GRXCR1: variants seen among roughly 807,000 people sequenced by gnomAD.
GRXCR1 encodes glutaredoxin domain-containing cysteine-rich protein 1.
In GRXCR1, 27 loss-of-function variants were observed where a neutral mutation model predicts 27.3. The observed-to-expected ratio is 0.99, with a 90% confidence interval of 0.73 to 1.37. GRXCR1 has a LOEUF of 1.37. Ranked by LOEUF, GRXCR1 falls within the 40% of genes most tolerant of loss-of-function variation. The probability of loss-of-function intolerance (pLI) is 0.00; values close to 1 mark genes in which losing one functional copy is unlikely to be tolerated. For synonymous variants in GRXCR1, 122 were observed against 131.1 expected, an observed-to-expected ratio of 0.93 and a Z score of 0.47; for missense variants, 379 against 354.4, an observed-to-expected ratio of 1.07 and a Z score of -0.56.
At chr4:42,952,843 T>C (rs1239191396) in intron 1 of GRXCR1, among the ~76,000 whole-genome samples, 1 of 152,092 alleles carries the variant, frequency 6.6e-6, no homozygotes, top group Non-Finnish European at 1.5e-5. Context: ...ATACTAATAA[T>C]TCATATCCCT....
intron 2 of GRXCR1, among the ~76,000 whole-genome samples, chr4:43,008,657 G>T (rs1712641794): frequency 6.6e-6 from 1 of 152,100 alleles, no homozygotes; most frequent in South Asian, 2.1e-4. Context: ...TATTCTCATA[G>T]TATCCCTAAG....
chr4:42,960,988 G>C (rs1241628190), intron 1 of GRXCR1, among the ~76,000 whole-genome samples: 1 of 151,676 alleles, frequency 6.6e-6, no homozygotes, highest in Non-Finnish European at 1.5e-5. Flanking sequence ...TTTTCCTAAT[G>C]CTCTCACTCT....
intron 2 of GRXCR1, among the ~76,000 whole-genome samples, chr4:42,974,041 C>G (rs1387592118): frequency 2.0e-5 from 3 of 152,084 alleles, no homozygotes; most frequent in African/African-American, 7.2e-5. Context: ...TTTCATATGG[C>G]CACTGCACAG....
chr4:42,993,322 C>G (rs1239280063), intron 2 of GRXCR1, among the ~76,000 whole-genome samples: 2 of 151,982 alleles, frequency 1.3e-5, no homozygotes, highest in African/African-American at 4.8e-5. Context: ...TTTCTTGATG[C>G]CTCTCTGCCC....
chr4:42,953,138 A>G lies in GRXCR1; in HGVS notation c.385-9754A>G, dbSNP rs563312842. 4.6e-5 allele frequency among the ~76,000 whole-genome samples: 7 copies of G among 152,306 alleles called. No individual in the cohort carries two copies. In the South Asian group the frequency reaches 1.2e-3, roughly 27 times the overall value. ...GATTGTAGCAAACTTACCAGGTTGC[A>G]TGGAAATTATACTTTCCCCCACCAA... On this transcript the variant is annotated intron_variant, in intron 1 of 3. Transcript: ENST00000399770.
chr4:42,969,277 G>A (rs1312696703), intron 2 of GRXCR1, among the ~76,000 whole-genome samples: 2 of 152,076 alleles, frequency 1.3e-5, no homozygotes, highest in Non-Finnish European at 2.9e-5. Flanking sequence ...TGGGGTCATG[G>A]GAGTCTTTGA....
At chr4:42,987,222 T>TTATATATTATATA (rs1553943890) in intron 2 of GRXCR1, among the ~76,000 whole-genome samples, 14,611 of 99,568 alleles carry the variant, frequency 0.15, 1,245 homozygotes, top group South Asian at 0.24. Context: ...TATATATATA[T>TTATATATTATATA]TATATATTAT....
intron 2 of GRXCR1, among the ~76,000 whole-genome samples, chr4:42,987,362 G>A (rs190321971): frequency 6.7e-6 from 1 of 149,540 alleles, no homozygotes; most frequent in East Asian, 2.0e-4. Context: ...AGCTTAGGGT[G>A]ACTTCAAACT....
At chr4:42,907,147 T>C (rs1746614965) in intron 1 of GRXCR1, among the ~76,000 whole-genome samples, 1 of 152,218 alleles carries the variant, frequency 6.6e-6, no homozygotes, top group African/African-American at 2.4e-5. Context: ...GGAGATGGTC[T>C]GGAATACAAA....
At chr4:42,988,479 C>T (rs1711852116) in intron 2 of GRXCR1, among the ~76,000 whole-genome samples, 1 of 152,110 alleles carries the variant, frequency 6.6e-6, no homozygotes, top group Non-Finnish European at 1.5e-5. Context: ...TTCAAGGTTT[C>T]CTTTTTCCTA....
intron 2 of GRXCR1, among the ~76,000 whole-genome samples, chr4:42,998,673 G>C (rs1712254002): frequency 6.6e-6 from 1 of 152,188 alleles, no homozygotes; most frequent in Non-Finnish European, 1.5e-5. Flanking sequence ...TTTCCTGACA[G>C]GACATCATCT....
At chr4:42,979,453 T>A (rs940161556) in intron 2 of GRXCR1, among the ~76,000 whole-genome samples, 1 of 152,096 alleles carries the variant, frequency 6.6e-6, no homozygotes, top group African/African-American at 2.4e-5. Context: ...TATTGTTTTC[T>A]TTCATTCTGT....
intron 2 of GRXCR1, among the ~76,000 whole-genome samples, chr4:43,015,878 C>A (rs1712915988): frequency 6.6e-6 from 1 of 151,674 alleles, no homozygotes. Context: ...TATTTTTAGT[C>A]CTTCTGGGCT....
chr4:43,020,421 T>C lies in GRXCR1; in HGVS notation c.693+2T>C. On this transcript the variant is annotated splice_donor_variant, in intron 3 of 3. Coordinates refer to ENST00000399770, the MANE Select transcript of GRXCR1 (RefSeq NM_001080476.3). LOFTEE classifies it high-confidence loss of function. The stretch of plus-strand genomic sequence containing the variant: ...CAAGACATCCTAACCAAAATTGAGG[T>C]AAATGTGCTTTCAGCAACTTAGTTT... The C allele has an allele frequency of 3.1e-6, 5 of 1,594,800 alleles. No homozygotes were observed. Among genetic ancestry groups the C allele is most frequent in the Non-Finnish European group, 4.3e-6 (5 of 1,162,576 alleles).
At chr4:42,987,238 TATAATATATAA>T (rs1711782229) in intron 2 of GRXCR1, among the ~76,000 whole-genome samples, 1 of 63,606 alleles carries the variant, frequency 1.6e-5, no homozygotes, top group Non-Finnish European at 3.4e-5. Context: ...ATTATATATA[TATAATATATAA>T]TATATATATA....
At chr4:42,992,261 T>C (rs1019483269) in intron 2 of GRXCR1, among the ~76,000 whole-genome samples, 1 of 152,150 alleles carries the variant, frequency 6.6e-6, no homozygotes, top group African/African-American at 2.4e-5. Context: ...AAGCAGCAAA[T>C]GTTTTTCTTC....
At chr4:43,011,202 G>C (rs186429544) in intron 2 of GRXCR1, among the ~76,000 whole-genome samples, 36 of 152,236 alleles carry the variant, frequency 2.4e-4, no homozygotes, top group Admixed American at 2.0e-3. Context: ...ATTTATTGTC[G>C]ATCGTGCTGG....
At chr4:42,955,234 A>C (rs1422652615) in intron 1 of GRXCR1, among the ~76,000 whole-genome samples, 3 of 152,166 alleles carry the variant, frequency 2.0e-5, no homozygotes, top group South Asian at 4.1e-4. Context: ...AGGAAAAAAT[A>C]TCTCTCCCTC....
At chr4:42,920,336 G>T (rs1380381298) in intron 1 of GRXCR1, among the ~76,000 whole-genome samples, 1 of 150,304 alleles carries the variant, frequency 6.7e-6, no homozygotes, top group African/African-American at 2.4e-5. Flanking sequence ...CAGCCAAAAA[G>T]CCTTTTATTT....
Sources: gnomAD v4.1 joint callset for allele counts (sites outside exome capture counted in the v4.1 genomes callset) on GRCh38, gnomAD v4.1.1 for gene constraint, MANE v1.5 for transcripts, NCBI Gene and HGNC (gene_info 2026-07-23, HGNC 2026-07-21) for gene names.